Variants in IPO11 observed in about 807,000 individuals in gnomAD.
IPO11 encodes the protein importin 11.
A neutral mutation model predicts 143.2 loss-of-function variants in IPO11; 66 were observed. That is an observed-to-expected ratio of 0.46 (90% CI 0.38 to 0.57). The LOEUF is 0.57. IPO11 is among the 20% of genes least tolerant of loss of function. The pLI, the probability that IPO11 is intolerant of heterozygous loss-of-function variation, is 0.00. For synonymous variants in IPO11, 385 were observed against 377.8 expected (o/e 1.02, Z -0.22); for missense variants, 1,026 against 1,141.0 (o/e 0.90, Z 1.45).
chr5:62,596,748 TC>T (rs1745239254), intron 28 of IPO11, among the ~76,000 whole-genome samples: 1 of 151,732 alleles, frequency 6.6e-6, no homozygotes, highest in African/African-American at 2.4e-5. Context: ...AGTCTCTCTC[TC>T]TTCAGTTTTC....
At chr5:62,585,683 A>G (rs1163856215) in intron 27 of IPO11, among the ~76,000 whole-genome samples, 1 of 152,194 alleles carries the variant, frequency 6.6e-6, no homozygotes, top group East Asian at 1.9e-4. Flanking sequence ...TGTGCCGTAT[A>G]GAGAACAGAT....
intron 9 of IPO11, among the ~76,000 whole-genome samples, chr5:62,481,687 C>T (rs1383058566): frequency 3.3e-5 from 5 of 151,954 alleles, no homozygotes; most frequent in African/African-American, 7.3e-5. Context: ...TGAGGATTTT[C>T]GCATTGATGT....
chr5:62,535,329 TA>T (rs987975167), intron 22 of IPO11, among the ~76,000 whole-genome samples: 31 of 152,210 alleles, frequency 2.0e-4, no homozygotes, highest in South Asian at 1.2e-3. Context: ...AGTTCTCTCT[TA>T]AATATAGACC....
At chr5:62,438,769 G>T (rs1422057512) in intron 2 of IPO11, among the ~76,000 whole-genome samples, 1 of 144,902 alleles carries the variant, frequency 6.9e-6, no homozygotes, top group African/African-American at 2.6e-5. Flanking sequence ...AAAAGGGGGG[G>T]AGCAGCGGGG....
chr5:62,488,386 A>G (rs989180878), intron 13 of IPO11, among the ~76,000 whole-genome samples: 3 of 152,180 alleles, frequency 2.0e-5, no homozygotes, highest in Admixed American at 6.5e-5. Context: ...TTTTGTTTAT[A>G]TTTTATTCCC....
In IPO11 at chr5:62,555,478, A is replaced by ATTT. The variant is rs1319992859; in HGVS notation, c.2460+4142_2460+4143insTTT. Among the ~76,000 whole-genome samples the ATTT allele has an allele frequency of 2.7e-3, 353 of 128,700 alleles. 1 individual carries two copies. Among genetic ancestry groups the ATTT allele is most frequent in the East Asian group, 0.016 (78 of 4,814 alleles). 84.4% of individuals were successfully genotyped at this position (128,700 alleles called of 152,430 possible). ...CAGATGCGTGCCACCACACCTGGCTAATTATTTATTTATTTATTTATTTAT... is the reference window on the plus strand; with the variant it reads ...CAGATGCGTGCCACCACACCTGGCTATTTATTATTTATTTATTTATTTATTTAT... On this transcript the variant is annotated intron_variant, in intron 26 of 29. Coordinates refer to ENST00000325324, the MANE Select transcript of IPO11 (RefSeq NM_016338.5).
At chr5:62,412,950 C>G (rs561414186) in intron 1 of IPO11, 21 bp downstream of exon 1, 1 of 152,426 alleles carries the variant, frequency 6.6e-6, no homozygotes, top group Non-Finnish European at 1.5e-5. Context: ...GGCCCGAGAG[C>G]CACCGAGCGC....
In IPO11 at chr5:62,555,556, T is replaced by C. The variant is rs141718475; in HGVS notation, c.2460+4220T>C. Among the ~76,000 whole-genome samples the C allele has an allele frequency of 4.3e-4, 65 of 151,662 alleles. No individual in the cohort carries two copies. In the East Asian group the frequency reaches 0.01, roughly 24 times the overall value. ...TCTTGCTCTGTCGCCCAGGCTGGAG[T>C]GCAGTGGTGCAGTCTCGGCTCGCTG... On this transcript the variant is annotated intron_variant, in intron 26 of 29. Coordinates refer to ENST00000325324, the MANE Select transcript of IPO11 (RefSeq NM_016338.5).
intron 29 of IPO11, among the ~76,000 whole-genome samples, chr5:62,611,107 A>G (rs1745912350): frequency 6.6e-6 from 1 of 152,184 alleles, no homozygotes; most frequent in Non-Finnish European, 1.5e-5. Flanking sequence ...ATATAACTTT[A>G]CCTATAAATA....
chr5:62,588,153 A>G (rs1390412835), intron 27 of IPO11, among the ~76,000 whole-genome samples: 1 of 152,082 alleles, frequency 6.6e-6, no homozygotes, highest in East Asian at 1.9e-4. Context: ...CTCCCTTGTG[A>G]TCATGCTCAA....
At chr5:62,449,814 C>T in intron 3 of IPO11, 113 bp from the exon 4 acceptor site, 1 of 593,248 alleles carries the variant, frequency 1.7e-6, no homozygotes. Context: ...TTACAAAAAC[C>T]AATCAGAGAC....
intron 27 of IPO11, among the ~76,000 whole-genome samples, chr5:62,568,346 A>G (rs1035123269): frequency 7.3e-5 from 11 of 151,002 alleles, no homozygotes; most frequent in African/African-American, 2.7e-4. Flanking sequence ...AGACCCTCTA[A>G]TGCATTTTTC....
At chr5:62,509,030 C>G (rs1741660003) in intron 19 of IPO11, among the ~76,000 whole-genome samples, 1 of 152,214 alleles carries the variant, frequency 6.6e-6, no homozygotes, top group South Asian at 2.1e-4. Context: ...CTGACACATA[C>G]AGTTTAATGT....
intron 27 of IPO11, among the ~76,000 whole-genome samples, chr5:62,588,166 C>T (rs532511407): frequency 6.6e-6 from 1 of 152,184 alleles, no homozygotes; most frequent in Non-Finnish European, 1.5e-5. Flanking sequence ...ATGCTCAAAA[C>T]TCTAATATCC....
At chr5:62,573,095 G>GGAGT (rs1228316416) in intron 27 of IPO11, among the ~76,000 whole-genome samples, 1 of 152,072 alleles carries the variant, frequency 6.6e-6, no homozygotes. Flanking sequence ...CGCCCAGGCT[G>GGAGT]GAGTGCAGTA....
chr5:62,485,293 C>T, intron 11 of IPO11, 126 bp from the exon 12 acceptor site: 2 of 714,190 alleles, frequency 2.8e-6, no homozygotes, highest in Admixed American at 2.3e-5. Flanking sequence ...GGCCTGTGTT[C>T]CCAAGGCTTT....
chr5:62,541,418 G>A (rs1742934509), intron 24 of IPO11, among the ~76,000 whole-genome samples: 1 of 151,606 alleles, frequency 6.6e-6, no homozygotes. Flanking sequence ...GGTGGCTCAC[G>A]CCTGTAATCC....
intron 7 of IPO11, among the ~76,000 whole-genome samples, chr5:62,472,206 TA>T (rs1484987508): frequency 2.6e-5 from 4 of 152,210 alleles, no homozygotes; most frequent in African/African-American, 9.6e-5. Context: ...ATAAATCCTT[TA>T]TGGTAGAAGC....
intron 12 of IPO11, among the ~76,000 whole-genome samples, chr5:62,486,993 G>A (rs982303986): frequency 2.6e-5 from 4 of 151,852 alleles, no homozygotes; most frequent in Admixed American, 2.0e-4. Context: ...TATTGTGAAC[G>A]ATCTAGTGAT....
Sources: gnomAD v4.1 joint callset for allele counts (sites outside exome capture counted in the v4.1 genomes callset) on GRCh38, gnomAD v4.1.1 for gene constraint, MANE v1.5 for transcripts, NCBI Gene and HGNC (gene_info 2026-07-23, HGNC 2026-07-21) for gene names.